Variants in ADAMTS6 observed in about 807,000 individuals in gnomAD.
ADAMTS6 encodes ADAM metallopeptidase with thrombospondin type 1 motif 6, also known as A disintegrin and metalloproteinase with thrombospondin motifs 6.
ADAMTS6 carries 23 observed loss-of-function variants against 144.3 expected under a neutral mutation model. The ratio of observed to expected loss-of-function variants is 0.16; its 90% CI spans 0.11 to 0.23. The LOEUF (loss-of-function observed/expected upper bound fraction) is 0.23. Among genes scored for constraint, ADAMTS6 ranks in the 10% least tolerant of loss-of-function variants. The pLI is 1.00. For synonymous variants in ADAMTS6, 444 were observed against 457.5 expected, an observed-to-expected ratio of 0.97 and a Z score of 0.38; for missense variants, 999 against 1,379.6, an observed-to-expected ratio of 0.72 and a Z score of 4.37.
intron 22 of ADAMTS6, 87 bp from the exon 23 acceptor site, chr5:65,173,095 T>C (rs1423865698): frequency 7.4e-7 from 1 of 1,354,048 alleles, no homozygotes; most frequent in East Asian, 2.3e-5. Flanking sequence ...TAAATGTGTG[T>C]TTTAGTATAG....
At chr5:65,403,196 T>A (rs2150167902) in intron 7 of ADAMTS6, among the ~76,000 whole-genome samples, 1 of 152,260 alleles carries the variant, frequency 6.6e-6, no homozygotes, top group Admixed American at 6.6e-5. Context: ...TCTCTTTCTA[T>A]CTAACTAGCT....
At chr5:65,239,131 G>T (rs184404383) in intron 15 of ADAMTS6, among the ~76,000 whole-genome samples, 3 of 152,138 alleles carry the variant, frequency 2.0e-5, no homozygotes, top group South Asian at 4.2e-4. Flanking sequence ...GTAGGGGGAG[G>T]GGGGAGAGAT....
chr5:65,369,088 T>G (rs1026444359), intron 7 of ADAMTS6, among the ~76,000 whole-genome samples: 5 of 151,976 alleles, frequency 3.3e-5, no homozygotes, highest in African/African-American at 1.2e-4. Flanking sequence ...GTTTTGGTGA[T>G]GCATGTCTGT....
chr5:65,181,169 A>G (rs1430288101), intron 22 of ADAMTS6, among the ~76,000 whole-genome samples: 1 of 152,228 alleles, frequency 6.6e-6, no homozygotes. Context: ...TGTACTTTAT[A>G]TGTATTGTCT....
At chr5:65,177,970 G>A (rs546781581) in intron 22 of ADAMTS6, among the ~76,000 whole-genome samples, 12 of 152,268 alleles carry the variant, frequency 7.9e-5, no homozygotes, top group East Asian at 3.9e-4. Flanking sequence ...GTCAGTCCCC[G>A]AGGGCCATCC....
intron 11 of ADAMTS6, among the ~76,000 whole-genome samples, chr5:65,284,287 C>G (rs1177931121): frequency 6.6e-6 from 1 of 152,032 alleles, no homozygotes; most frequent in Non-Finnish European, 1.5e-5. Context: ...TATCTTGTCT[C>G]TAGCAGTTAC....
intron 9 of ADAMTS6, among the ~76,000 whole-genome samples, chr5:65,323,938 A>G (rs1383521492): frequency 1.3e-5 from 2 of 152,148 alleles, no homozygotes; most frequent in South Asian, 2.1e-4. Context: ...GTCTGTTCAT[A>G]TCCTTTGCCC....
At chr5:65,424,501 A>T (rs1756339426) in intron 7 of ADAMTS6, among the ~76,000 whole-genome samples, 1 of 152,096 alleles carries the variant, frequency 6.6e-6, no homozygotes, top group Non-Finnish European at 1.5e-5. Flanking sequence ...CTACATCAAG[A>T]CTCTTGGAAG....
chr5:65,338,137 A>C (rs1402463584), intron 7 of ADAMTS6, among the ~76,000 whole-genome samples: 1 of 152,242 alleles, frequency 6.6e-6, no homozygotes, highest in Admixed American at 6.5e-5. Flanking sequence ...CTTTATTCTG[A>C]ATTTGGATAG....
chr5:65,452,606 G>T, intron 5 of ADAMTS6, 101 bp downstream of exon 5: 1 of 1,286,424 alleles, frequency 7.8e-7, no homozygotes, highest in Non-Finnish European at 1.1e-6. Flanking sequence ...TTTTAGACAG[G>T]TAAATTCTTA....
At chr5:65,418,404 C>CA (rs150496538) in intron 7 of ADAMTS6, among the ~76,000 whole-genome samples, 6,041 of 151,550 alleles carry the variant, frequency 0.04, 412 homozygotes, top group African/African-American at 0.14. Context: ...AAACAAACAG[C>CA]AAAAAAAACT....
intron 20 of ADAMTS6, chr5:65,209,860 G>GA (rs1489624129): frequency 6.6e-6 from 1 of 152,222 alleles, no homozygotes; most frequent in Non-Finnish European, 1.5e-5. Context: ...GTTAAGAACT[G>GA]ACTTTATCCC....
At chr5:65,425,910 C>A (rs1341118052) in intron 7 of ADAMTS6, among the ~76,000 whole-genome samples, 1 of 151,912 alleles carries the variant, frequency 6.6e-6, no homozygotes, top group Non-Finnish European at 1.5e-5. Context: ...ACTACAGGCG[C>A]CCACCACCGC....
chr5:65,460,546 T>C (rs1401874877), intron 3 of ADAMTS6, among the ~76,000 whole-genome samples: 3 of 152,240 alleles, frequency 2.0e-5, no homozygotes, highest in African/African-American at 4.8e-5. Context: ...TACCTCCATA[T>C]GCTATGCACT....
At chr5:65,326,166 G>A (rs907871134) in intron 9 of ADAMTS6, among the ~76,000 whole-genome samples, 2 of 151,868 alleles carry the variant, frequency 1.3e-5, no homozygotes, top group African/African-American at 4.8e-5. Context: ...ACACTAGATA[G>A]CTTTCTCAAT....
intron 21 of ADAMTS6, among the ~76,000 whole-genome samples, chr5:65,193,488 C>A (rs1379780116): frequency 1.3e-5 from 2 of 152,036 alleles, no homozygotes; most frequent in Non-Finnish European, 2.9e-5. Context: ...TCAGTCCCAT[C>A]AGCAGTCCCA....
intron 7 of ADAMTS6, chr5:65,415,584 A>G (rs1755439017): frequency 5.4e-6 from 2 of 373,064 alleles, no homozygotes; most frequent in Non-Finnish European, 1.1e-5. Flanking sequence ...CCTGGAGGAG[A>G]TCTATCTCTT....
intron 7 of ADAMTS6, among the ~76,000 whole-genome samples, chr5:65,407,552 T>C (rs1325853123): frequency 1.4e-5 from 2 of 138,258 alleles, no homozygotes; most frequent in African/African-American, 2.7e-5. Flanking sequence ...TGTGTTCTCA[T>C]TGTCCAATTC....
At chr5:65,250,658 C>A (rs968091630) in intron 14 of ADAMTS6, among the ~76,000 whole-genome samples, 2 of 152,128 alleles carry the variant, frequency 1.3e-5, no homozygotes, top group African/African-American at 4.8e-5. Flanking sequence ...TGTGCCTTTC[C>A]ATCCCAGCCA....
Sources: gnomAD v4.1 joint callset for allele counts (sites outside exome capture counted in the v4.1 genomes callset) on GRCh38, gnomAD v4.1.1 for gene constraint, MANE v1.5 for transcripts, NCBI Gene and HGNC (gene_info 2026-07-23, HGNC 2026-07-21) for gene names.